The following AUTS2 variants were observed in gnomAD, a reference collection of about 807,000 sequenced individuals.
AUTS2 encodes activator of transcription and developmental regulator AUTS2.
A neutral mutation model predicts 112.4 loss-of-function variants in AUTS2; 17 were observed. That is an observed-to-expected ratio of 0.15 (90% CI 0.10 to 0.23). The LOEUF (loss-of-function observed/expected upper bound fraction) is 0.23. AUTS2 is among the 10% of genes least tolerant of loss of function. The probability of loss-of-function intolerance (pLI) is 1.00; values close to 1 mark genes in which losing one functional copy is unlikely to be tolerated. For synonymous variants in AUTS2, 751 were observed against 702.7 expected (o/e 1.07, Z -1.09); for missense variants, 1,510 against 1,701.6 (o/e 0.89, Z 1.98).
intron 1 of AUTS2, among the ~76,000 whole-genome samples, chr7:69,693,848 C>A (rs549180008): frequency 6.6e-6 from 1 of 152,164 alleles, no homozygotes; most frequent in Non-Finnish European, 1.5e-5. Flanking sequence ...CCAGCAGCAT[C>A]CCTTGGGAAT....
In AUTS2 at chr7:70,632,901, A is replaced by G. The variant is rs76073470; in HGVS notation, c.691-65668A>G. Among the ~76,000 whole-genome samples the G allele has an allele frequency of 5.0e-3, 766 of 152,158 alleles. 5 individuals carry two copies. Among genetic ancestry groups the G allele is most frequent in the African/African-American group, 0.017 (726 of 41,514 alleles). On this transcript the variant is annotated intron_variant, in intron 5 of 18. Coordinates refer to ENST00000342771, the MANE Select transcript of AUTS2 (RefSeq NM_015570.4). ...CAGGCAGTTCACAGGCTGGACCTTT[A>G]AGGTTCCCACCAGCCAGGCCACACA... is the stretch of plus-strand genomic sequence containing the variant.
chr7:69,784,519 G>T (rs1334394152), intron 1 of AUTS2, among the ~76,000 whole-genome samples: 2 of 152,174 alleles, frequency 1.3e-5, no homozygotes, highest in Non-Finnish European at 2.9e-5. Context: ...TTCTAACCCT[G>T]GACAGGTCCC....
intron 4 of AUTS2, among the ~76,000 whole-genome samples, chr7:70,278,643 A>G (rs148698926): frequency 6.6e-6 from 1 of 152,164 alleles, no homozygotes; most frequent in Admixed American, 6.6e-5. Flanking sequence ...GCATACATAC[A>G]TGCATACAAA....
At chr7:69,722,412 TG>T (rs1430666071) in intron 1 of AUTS2, among the ~76,000 whole-genome samples, 1 of 151,856 alleles carries the variant, frequency 6.6e-6, no homozygotes, top group Non-Finnish European at 1.5e-5. Flanking sequence ...AGTCTCGCTT[TG>T]TCACCCAGGC....
intron 4 of AUTS2, among the ~76,000 whole-genome samples, chr7:70,395,785 A>G (rs764684989): frequency 1.3e-5 from 2 of 151,858 alleles, no homozygotes; most frequent in Admixed American, 6.6e-5. Flanking sequence ...TGTGTTCCCA[A>G]CTCTTTAACT....
chr7:70,049,977 T>C (rs1206920704), intron 2 of AUTS2, among the ~76,000 whole-genome samples: 1 of 152,186 alleles, frequency 6.6e-6, no homozygotes, highest in Non-Finnish European at 1.5e-5. Context: ...TTTAGCTTGC[T>C]GCAACAGAAA....
chr7:70,775,411 T>C, intron 13 of AUTS2, 25 bp downstream of exon 13: 1 of 1,598,328 alleles, frequency 6.3e-7, no homozygotes. Context: ...TATAGAACTG[T>C]TTTGCAACCT....
intron 5 of AUTS2, among the ~76,000 whole-genome samples, chr7:70,675,104 C>T (rs577627125): frequency 6.6e-6 from 1 of 150,782 alleles, no homozygotes; most frequent in East Asian, 1.9e-4. Context: ...CCTCCCCCCC[C>T]TCAACTCCCT....
chr7:69,800,853 C>T (rs1372477548), intron 1 of AUTS2, among the ~76,000 whole-genome samples: 3 of 152,136 alleles, frequency 2.0e-5, no homozygotes, highest in African/African-American at 4.8e-5. Flanking sequence ...CAAGCCCTCC[C>T]ATTTATTTAC....
intron 1 of AUTS2, among the ~76,000 whole-genome samples, chr7:69,841,029 C>T (rs1300043137): frequency 6.6e-6 from 1 of 152,258 alleles, no homozygotes; most frequent in East Asian, 1.9e-4. Context: ...ATGGCGGTCA[C>T]CACCTTAACA....
At chr7:70,136,021 TTTA>T (rs765980613) in intron 4 of AUTS2, among the ~76,000 whole-genome samples, 1 of 152,182 alleles carries the variant, frequency 6.6e-6, no homozygotes, top group Non-Finnish European at 1.5e-5. Flanking sequence ...GTATTTTTTT[TTTA>T]TTGTCAGTAG....
At chr7:70,016,882 GGT>G (rs1800054531) in intron 2 of AUTS2, among the ~76,000 whole-genome samples, 1 of 152,030 alleles carries the variant, frequency 6.6e-6, no homozygotes, top group South Asian at 2.1e-4. Context: ...TGGCCAGGCT[GGT>G]CTCGAACTCC....
At chr7:70,340,314 G>A (rs570883679) in intron 4 of AUTS2, among the ~76,000 whole-genome samples, 50 of 151,930 alleles carry the variant, frequency 3.3e-4, no homozygotes, top group Non-Finnish European at 6.3e-4. Context: ...GATGAGGTGT[G>A]CCTAGAAGCT....
intron 2 of AUTS2, among the ~76,000 whole-genome samples, chr7:69,954,012 G>A (rs893928517): frequency 3.3e-5 from 5 of 152,074 alleles, no homozygotes; most frequent in Non-Finnish European, 7.4e-5. Context: ...ACAGACTGCA[G>A]AGTGTTTGCT....
At chr7:70,069,710 T>TG (rs1483453909) in intron 2 of AUTS2, among the ~76,000 whole-genome samples, 2 of 148,804 alleles carry the variant, frequency 1.3e-5, no homozygotes, top group Non-Finnish European at 3.0e-5. Context: ...TTTTTTTTGT[T>TG]TTTTTTTTTT....
At chr7:70,611,285 G>A (rs575276223) in intron 5 of AUTS2, among the ~76,000 whole-genome samples, 1 of 152,298 alleles carries the variant, frequency 6.6e-6, no homozygotes, top group East Asian at 1.9e-4. Context: ...CTTGTAGAGT[G>A]TACCCTTAAA....
chr7:70,214,537 C>T (rs1257402425), intron 4 of AUTS2, among the ~76,000 whole-genome samples: 1 of 152,152 alleles, frequency 6.6e-6, no homozygotes, highest in Non-Finnish European at 1.5e-5. Flanking sequence ...TCCAGTATGT[C>T]AGGCATATTA....
intron 5 of AUTS2, among the ~76,000 whole-genome samples, chr7:70,644,312 G>A (rs753520283): frequency 2.6e-5 from 4 of 152,272 alleles, no homozygotes; most frequent in East Asian, 1.9e-4. Context: ...AGAGGGAGTC[G>A]TCAGGGAAGA....
intron 6 of AUTS2, among the ~76,000 whole-genome samples, chr7:70,715,057 T>C (rs1585558146): frequency 6.6e-6 from 1 of 152,250 alleles, no homozygotes; most frequent in Admixed American, 6.5e-5. Context: ...ATTTATTGGC[T>C]GAAATTCTTC....
Sources: allele counts gnomAD v4.1 joint callset (sites outside exome capture counted in the v4.1 genomes callset), GRCh38; gene constraint gnomAD v4.1.1; transcripts MANE v1.5; gene names NCBI Gene and HGNC (gene_info 2026-07-23, HGNC 2026-07-21).